The following RGL1 variants were observed in gnomAD, a reference collection of about 807,000 sequenced individuals.
The protein encoded by RGL1 is ral guanine nucleotide dissociation stimulator like 1.
A neutral mutation model predicts 95.2 loss-of-function variants in RGL1; 24 were observed. The ratio of observed to expected loss-of-function variants is 0.25; its 90% CI spans 0.18 to 0.35. RGL1 has a LOEUF of 0.35. RGL1 is among the 10% of genes least tolerant of loss of function. The pLI is 1.00. For missense variants in RGL1, 715 were observed against 936.3 expected, an observed-to-expected ratio of 0.76 and a Z score of 3.08; for synonymous variants, 329 against 344.9, an observed-to-expected ratio of 0.95 and a Z score of 0.51.
At chr1:183,805,971 CTTTTTTTTTTTTTTTTTTTTTTTTTTT>C (rs751229707) in intron 1 of RGL1, among the ~76,000 whole-genome samples, 11 of 74,678 alleles carry the variant, frequency 1.5e-4, no homozygotes, top group African/African-American at 5.1e-4. Context: ...CTTTTCTTTT[CTTTTTTTTTTTTTTTTTTTTTTTTTTT>C]TTTTTTTTTT....
intron 2 of RGL1, among the ~76,000 whole-genome samples, chr1:183,816,105 G>A (rs754032222): frequency 9.9e-5 from 15 of 152,036 alleles, no homozygotes; most frequent in Admixed American, 6.6e-5. Context: ...TATCTCTCTG[G>A]CTCCTTGCAT....
At chr1:183,677,776 A>G (rs1463812704) in intron 1 of RGL1, among the ~76,000 whole-genome samples, 2 of 152,208 alleles carry the variant, frequency 1.3e-5, no homozygotes, top group Non-Finnish European at 2.9e-5. Context: ...TCACATCACC[A>G]TGAGTTAGGT....
At chr1:183,758,321 A>C (rs984507473) in intron 2 of RGL1, among the ~76,000 whole-genome samples, 8 of 151,632 alleles carry the variant, frequency 5.3e-5, no homozygotes, top group Non-Finnish European at 1.2e-4. Context: ...CTCAGCCTCC[A>C]GAGTAGCTGG....
intron 17 of RGL1, among the ~76,000 whole-genome samples, chr1:183,924,337 A>G (rs961465956): frequency 1.1e-4 from 16 of 152,134 alleles, no homozygotes; most frequent in African/African-American, 3.9e-4. Flanking sequence ...GAAGCTGGAA[A>G]CCATCATTCT....
At chr1:183,851,880 T>C (rs1202515232) in intron 3 of RGL1, among the ~76,000 whole-genome samples, 32 of 152,256 alleles carry the variant, frequency 2.1e-4, no homozygotes, top group African/African-American at 7.7e-4. Flanking sequence ...TTAATGTCTA[T>C]AATTAAGAGG....
intron 2 of RGL1, among the ~76,000 whole-genome samples, chr1:183,818,118 A>T (rs1662208810): frequency 6.6e-6 from 1 of 152,226 alleles, no homozygotes; most frequent in Non-Finnish European, 1.5e-5. Flanking sequence ...TGGGATAAAA[A>T]GTGCTGATGA....
intron 1 of RGL1, among the ~76,000 whole-genome samples, chr1:183,650,487 G>A (rs1389943819): frequency 1.3e-5 from 2 of 152,128 alleles, no homozygotes; most frequent in Non-Finnish European, 2.9e-5. Flanking sequence ...AGCTTGCAGT[G>A]AGCCAACATC....
intron 1 of RGL1, among the ~76,000 whole-genome samples, chr1:183,740,590 C>T (rs1166098140): frequency 6.6e-6 from 1 of 152,170 alleles, no homozygotes; most frequent in Non-Finnish European, 1.5e-5. Flanking sequence ...TCCTTGAAGA[C>T]ATTTCCATGA....
At chr1:183,656,356 T>G (rs12048457) in intron 1 of RGL1, among the ~76,000 whole-genome samples, 10,456 of 152,212 alleles carry the variant, frequency 0.069, 623 homozygotes, top group African/African-American at 0.16. Flanking sequence ...AATTGTTAAA[T>G]TAAGTTTAGC....
At chr1:183,837,525 G>A (rs1453780760) in intron 2 of RGL1, among the ~76,000 whole-genome samples, 1 of 152,196 alleles carries the variant, frequency 6.6e-6, no homozygotes, top group Non-Finnish European at 1.5e-5. Flanking sequence ...AAATGCAACA[G>A]TGACTATTTT....
chr1:183,823,497 A>T (rs6676941), intron 2 of RGL1, among the ~76,000 whole-genome samples: 1 of 151,902 alleles, frequency 6.6e-6, no homozygotes, highest in Non-Finnish European at 1.5e-5. Flanking sequence ...AAAATGATTT[A>T]TTCAACATGG....
intron 1 of RGL1, among the ~76,000 whole-genome samples, chr1:183,650,315 G>T (rs375205213): frequency 6.6e-6 from 1 of 152,138 alleles, no homozygotes; most frequent in South Asian, 2.1e-4. Flanking sequence ...AGGCCAGGGT[G>T]GGCGGATCAT....
At chr1:183,670,899 C>T (rs1290502566) in intron 1 of RGL1, among the ~76,000 whole-genome samples, 15 of 152,258 alleles carry the variant, frequency 9.9e-5, no homozygotes, top group Non-Finnish European at 2.1e-4. Context: ...GTTGGGCTAT[C>T]GTATTAGTCC....
At chr1:183,764,195 T>C (rs576145932) in intron 2 of RGL1, among the ~76,000 whole-genome samples, 1 of 152,152 alleles carries the variant, frequency 6.6e-6, no homozygotes, top group Non-Finnish European at 1.5e-5. Context: ...ACTGAGATAA[T>C]GAGCATTGCC....
chr1:183,789,801 G>T (rs191470402), intron 2 of RGL1, among the ~76,000 whole-genome samples: 2 of 151,054 alleles, frequency 1.3e-5, no homozygotes, highest in Non-Finnish European at 3.0e-5. Flanking sequence ...TCATGGACAG[G>T]TATGGCAGCT....
At chr1:183,677,442 G>C (rs1652902853) in intron 1 of RGL1, among the ~76,000 whole-genome samples, 1 of 152,042 alleles carries the variant, frequency 6.6e-6, no homozygotes. Flanking sequence ...AATTACCTGG[G>C]TTTAATTTGC....
chr1:183,749,138 G>A (rs528474245), intron 2 of RGL1, among the ~76,000 whole-genome samples: 40 of 152,236 alleles, frequency 2.6e-4, no homozygotes, highest in Middle Eastern at 3.4e-3. Context: ...TATTAGGTCC[G>A]CTTGGTCCAG....
In RGL1 at chr1:183,912,202, G is replaced by A. The variant is rs199702533; in HGVS notation, c.1683G>A (p.Ser561=). The part of the protein sequence containing the change: ...MDSVSVSSCE[S]NHSEAEEGSI... The stretch of plus-strand genomic sequence containing the variant: ...CTGTCAGCGTGTCATCCTGCGAGTC[G>A]AACCACTCAGAGGCTGAGGAGGGCT... Residue 561 remains serine, a synonymous_variant, in exon 15 of 18, where the codon TCG becomes TCA. Transcript: ENST00000360851. 3.0e-5 allele frequency: 48 copies of A among 1,614,020 alleles called. No individual in the cohort carries two copies. In the Admixed American group the frequency reaches 4.3e-4, roughly 15 times the overall value.
intron 2 of RGL1, among the ~76,000 whole-genome samples, chr1:183,771,926 G>A (rs559377239): frequency 3.3e-4 from 50 of 152,198 alleles, no homozygotes; most frequent in Non-Finnish European, 5.1e-4. Context: ...ACGGTGAGAG[G>A]ACACGGAGGG....
Sources: allele counts gnomAD v4.1 joint callset (sites outside exome capture counted in the v4.1 genomes callset), GRCh38; gene constraint gnomAD v4.1.1; transcripts MANE v1.5; gene names NCBI Gene and HGNC (gene_info 2026-07-23, HGNC 2026-07-21).